The following PPP1R13B variants were observed in gnomAD, a reference collection of about 807,000 sequenced individuals.
PPP1R13B encodes the protein protein phosphatase 1 regulatory subunit 13B.
In PPP1R13B, 44 loss-of-function variants were observed where a neutral mutation model predicts 119.8. The ratio of observed to expected loss-of-function variants is 0.37; its 90% CI spans 0.29 to 0.47. PPP1R13B has a LOEUF of 0.47. Among genes scored for constraint, PPP1R13B ranks in the 20% least tolerant of loss-of-function variants. PPP1R13B has a pLI of 0.99. For synonymous variants in PPP1R13B, 542 were observed against 561.5 expected (o/e 0.97, Z 0.49); for missense variants, 1,227 against 1,413.5 (o/e 0.87, Z 2.12).
At chr14:103,833,829 CT>C (rs1325513819) in intron 1 of PPP1R13B, among the ~76,000 whole-genome samples, 4 of 152,030 alleles carry the variant, frequency 2.6e-5, no homozygotes, top group Middle Eastern at 3.2e-3. Context: ...TGACTTTTAT[CT>C]TTTGGAATGG....
intron 2 of PPP1R13B, chr14:103,794,683 T>C (rs1169050965): frequency 2.3e-6 from 1 of 437,804 alleles, no homozygotes; most frequent in South Asian, 1.6e-5. Context: ...AAAAAATCTC[T>C]GTAAGGGTTC....
chr14:103,749,204 T>A (rs1441338634), intron 8 of PPP1R13B, among the ~76,000 whole-genome samples: 1 of 152,236 alleles, frequency 6.6e-6, no homozygotes, highest in East Asian at 1.9e-4. Context: ...TATTTTTTCA[T>A]TGAGTATTTA....
intron 1 of PPP1R13B, among the ~76,000 whole-genome samples, chr14:103,799,400 G>C (rs946890621): frequency 5.3e-5 from 8 of 151,622 alleles, no homozygotes; most frequent in Admixed American, 3.9e-4. Context: ...GGCTGGTCTT[G>C]AACTCCTGAC....
chr14:103,824,943 T>C (rs1346218753), intron 1 of PPP1R13B, among the ~76,000 whole-genome samples: 1 of 121,824 alleles, frequency 8.2e-6, no homozygotes, highest in African/African-American at 3.4e-5. Context: ...TCTGCAGATA[T>C]TGCATTTTTT....
intron 1 of PPP1R13B, among the ~76,000 whole-genome samples, chr14:103,839,238 T>A (rs2086846911): frequency 6.6e-6 from 1 of 152,014 alleles, no homozygotes; most frequent in African/African-American, 2.4e-5. Flanking sequence ...GGTCTTGATC[T>A]CCTAACCTTG....
At chr14:103,755,327 A>C (rs1265392622) in intron 5 of PPP1R13B, among the ~76,000 whole-genome samples, 8 of 152,222 alleles carry the variant, frequency 5.3e-5, no homozygotes, top group Non-Finnish European at 5.9e-5. Context: ...CACTGAAAAG[A>C]GATAAAGGTG....
intron 1 of PPP1R13B, among the ~76,000 whole-genome samples, chr14:103,817,202 G>GA (rs1209803969): frequency 1.3e-5 from 2 of 152,122 alleles, no homozygotes; most frequent in Non-Finnish European, 2.9e-5. Context: ...CTAATGACAT[G>GA]AGCCATGATA....
At chr14:103,775,861 T>C (rs1452975483) in intron 4 of PPP1R13B, among the ~76,000 whole-genome samples, 1 of 152,036 alleles carries the variant, frequency 6.6e-6, no homozygotes, top group East Asian at 1.9e-4. Flanking sequence ...AAGGCAGGAA[T>C]GTGAAGAGGG....
At chr14:103,838,463 C>T (rs2086828348) in intron 1 of PPP1R13B, among the ~76,000 whole-genome samples, 1 of 152,162 alleles carries the variant, frequency 6.6e-6, no homozygotes, top group Non-Finnish European at 1.5e-5. Context: ...AAGATTACAA[C>T]TAAGACAATT....
intron 2 of PPP1R13B, among the ~76,000 whole-genome samples, chr14:103,785,799 T>C (rs1181293882): frequency 2.0e-5 from 3 of 151,968 alleles, no homozygotes; most frequent in African/African-American, 7.2e-5. Flanking sequence ...GGATTACAGG[T>C]GTGAGCCACT....
intron 4 of PPP1R13B, among the ~76,000 whole-genome samples, chr14:103,768,644 G>T (rs2084993078): frequency 1.3e-5 from 2 of 151,498 alleles, no homozygotes; most frequent in African/African-American, 2.4e-5. Context: ...TATTGGCCAG[G>T]ATAGTCTCAA....
intron 4 of PPP1R13B, among the ~76,000 whole-genome samples, chr14:103,777,028 T>G (rs2085218177): frequency 6.6e-6 from 1 of 151,898 alleles, no homozygotes; most frequent in African/African-American, 2.4e-5. Context: ...AGTCTCACTC[T>G]CTTGCCCAGG....
intron 1 of PPP1R13B, among the ~76,000 whole-genome samples, chr14:103,832,563 A>G (rs1299815985): frequency 6.6e-6 from 1 of 152,246 alleles, no homozygotes; most frequent in Non-Finnish European, 1.5e-5. Flanking sequence ...GATCACTCAG[A>G]GACCCTTCTC....
chr14:103,778,505 G>A (rs2085263767), intron 4 of PPP1R13B: 4 of 417,252 alleles, frequency 9.6e-6, no homozygotes, highest in Non-Finnish European at 1.7e-5. Flanking sequence ...CGTGATCTGT[G>A]CGCCTCAGTC....
intron 1 of PPP1R13B, among the ~76,000 whole-genome samples, chr14:103,798,494 T>C (rs1255549886): frequency 1.3e-5 from 2 of 151,738 alleles, no homozygotes; most frequent in Non-Finnish European, 2.9e-5. Context: ...GGGGAAAACA[T>C]TTGCAACTCA....
At position 103,738,976 on chromosome 14, in the gene PPP1R13B, G is replaced by T; in HGVS notation, c.2640C>A (p.His880Gln). The T allele has an allele frequency of 2.5e-6, 4 of 1,614,052 alleles. No individual in the cohort carries two copies. The highest frequency in any genetic ancestry group is 3.4e-6 in the Non-Finnish European group (4 of 1,180,006). ...GGGGGTTAAACCGGACTCTCAGCCC[G>T]TGCCCCGTCCGCTCCGAGTTGGGCT... ...LKKPNSERTG[H>Q]GLRVRFNPLA... is the part of the protein sequence containing the mutation. Residue 880 changes from histidine (H) to glutamine (Q), a missense_variant, in exon 13 of 17, where the codon CAC (histidine) becomes CAA (glutamine). Physicochemically the swap from His to Gln is conservative, Grantham distance 24 (BLOSUM62 0). Transcript: ENST00000202556. This position sits in a 1 kb window ranked among gnomAD's most constrained non-coding sequence, Gnocchi z 5.6.
intron 1 of PPP1R13B, among the ~76,000 whole-genome samples, chr14:103,823,204 G>A (rs2086453022): frequency 6.6e-6 from 1 of 151,836 alleles, no homozygotes. Context: ...TGGGCGTGGT[G>A]GCGGGTGCCT....
intron 1 of PPP1R13B, among the ~76,000 whole-genome samples, chr14:103,832,100 C>T (rs1241260693): frequency 6.6e-6 from 1 of 150,642 alleles, no homozygotes; most frequent in Non-Finnish European, 1.5e-5. Flanking sequence ...AAGCAAGACC[C>T]TATCTCTTAA....
intron 9 of PPP1R13B, 82 bp downstream of exon 9, chr14:103,746,291 T>TGGGGGGGGGGGCGGGGGGGG: frequency 3.7e-6 from 1 of 272,100 alleles, no homozygotes. Flanking sequence ...CTCAGGAGCC[T>TGGGGGGGGGGGCGGGGGGGG]GCCCCACCCC....
Sources: allele counts gnomAD v4.1 joint callset (sites outside exome capture counted in the v4.1 genomes callset), GRCh38; gene constraint gnomAD v4.1.1; non-coding constraint Gnocchi (gnomAD v3.1); transcripts MANE v1.5; gene names NCBI Gene and HGNC (gene_info 2026-07-23, HGNC 2026-07-21).